The following NTM variants were observed in gnomAD, a reference collection of about 807,000 sequenced individuals.
NTM encodes the protein IgLON family member 2.
Under a neutral mutation model 42.1 loss-of-function variants are expected in NTM, and 13 were observed. That is an observed-to-expected ratio of 0.31 (90% CI 0.20 to 0.49). The LOEUF (loss-of-function observed/expected upper bound fraction) is 0.49, where lower values mean the gene tolerates loss of function less well. Ranked by LOEUF, NTM falls within the 20% of genes least tolerant of loss-of-function variation. NTM has a pLI of 0.99. For missense variants in NTM, 373 were observed against 452.8 expected (o/e 0.82, Z 1.60); for synonymous variants, 187 against 179.2 (o/e 1.04, Z -0.35).
chr11:131,926,117 A>T (rs2138353678), intron 2 of NTM, among the ~76,000 whole-genome samples: 2 of 152,158 alleles, frequency 1.3e-5, no homozygotes, highest in East Asian at 3.9e-4. Flanking sequence ...GATTAGAAAA[A>T]AAAGGCATCT....
chr11:132,000,281 T>A (rs2068937887), intron 2 of NTM, among the ~76,000 whole-genome samples: 1 of 152,210 alleles, frequency 6.6e-6, no homozygotes, highest in African/African-American at 2.4e-5. Context: ...TATCTGACAC[T>A]CCTTTGTCAA....
In NTM at chr11:131,415,345, C is replaced by T. The variant is rs192007461; in HGVS notation, c.82+44457C>T. Reference sequence around the variant, plus strand: ...AGCTCTTCCCAGAAGCTTTTGGAACCCCCTCTGAGCCCTGGCTGTGGTGAG... The same window carrying T: ...AGCTCTTCCCAGAAGCTTTTGGAACTCCCTCTGAGCCCTGGCTGTGGTGAG... On this transcript the variant is annotated intron_variant, in intron 1 of 8. Coordinates refer to ENST00000683400, the MANE Select transcript of NTM (RefSeq NM_001352005.2). Among the ~76,000 whole-genome samples, 10 of 152,278 alleles carry T rather than the reference C, an allele frequency of 6.6e-5. No homozygotes were observed. In the East Asian group the frequency reaches 1.9e-3, roughly 29 times the overall value.
chr11:131,510,337 C>T (rs2048068318), intron 1 of NTM, among the ~76,000 whole-genome samples: 1 of 152,228 alleles, frequency 6.6e-6, no homozygotes, highest in Non-Finnish European at 1.5e-5. Flanking sequence ...AGCAGGGAAT[C>T]TGCCAGGTGA....
At chr11:131,695,162 C>T (rs1429118281) in intron 1 of NTM, among the ~76,000 whole-genome samples, 1 of 140,780 alleles carries the variant, frequency 7.1e-6, no homozygotes, top group Non-Finnish European at 1.5e-5. Flanking sequence ...GTACCCACCC[C>T]CCCGCCCTGA....
chr11:131,953,193 A>C (rs1431842924), intron 2 of NTM, among the ~76,000 whole-genome samples: 1 of 151,128 alleles, frequency 6.6e-6, no homozygotes, highest in Non-Finnish European at 1.5e-5. Flanking sequence ...TGCCATGGCA[A>C]CATTCATTGG....
intron 4 of NTM, among the ~76,000 whole-genome samples, chr11:132,260,292 A>G (rs2092769196): frequency 6.6e-6 from 1 of 152,068 alleles, no homozygotes; most frequent in Non-Finnish European, 1.5e-5. Context: ...ATAAGTTCAG[A>G]GAAATTAAGT....
intron 3 of NTM, among the ~76,000 whole-genome samples, chr11:132,182,696 A>G (rs2077754521): frequency 6.6e-6 from 1 of 152,172 alleles, no homozygotes; most frequent in African/African-American, 2.4e-5. Context: ...TGCTGCCAGC[A>G]TTATCTTTCC....
intron 4 of NTM, among the ~76,000 whole-genome samples, chr11:132,274,105 T>G (rs1050558710): frequency 2.6e-5 from 4 of 152,158 alleles, no homozygotes; most frequent in Non-Finnish European, 5.9e-5. Context: ...ATTTTAGTAA[T>G]TTTACTTCTA....
intron 1 of NTM, among the ~76,000 whole-genome samples, chr11:131,874,041 A>AATAT (rs796296940): frequency 1.9e-4 from 5 of 26,226 alleles, no homozygotes; most frequent in Admixed American, 4.7e-4. Flanking sequence ...ATATATATAT[A>AATAT]TATATATATA....
At chr11:132,098,404 A>G (rs1465685255) in intron 2 of NTM, among the ~76,000 whole-genome samples, 1 of 152,218 alleles carries the variant, frequency 6.6e-6, no homozygotes, top group Non-Finnish European at 1.5e-5. Flanking sequence ...GGCCATCTCC[A>G]TTAATTCATC....
intron 2 of NTM, among the ~76,000 whole-genome samples, chr11:132,069,798 C>T (rs1431592619): frequency 6.0e-5 from 9 of 150,132 alleles, no homozygotes; most frequent in Non-Finnish European, 1.0e-4. Flanking sequence ...TTAGTTAACA[C>T]GTCACACAGC....
chr11:131,388,848 C>A (rs1057470493), intron 1 of NTM, among the ~76,000 whole-genome samples: 2 of 151,086 alleles, frequency 1.3e-5, no homozygotes, highest in Non-Finnish European at 2.9e-5. Context: ...CTCATCTCTA[C>A]TAAAAATATA....
chr11:131,827,458 C>G (rs992034261), intron 1 of NTM, among the ~76,000 whole-genome samples: 2 of 152,126 alleles, frequency 1.3e-5, no homozygotes, highest in Non-Finnish European at 2.9e-5. Context: ...TAGAAGGGGA[C>G]AAAGGGATGT....
chr11:132,046,719 G>T (rs1210927112), intron 2 of NTM, among the ~76,000 whole-genome samples: 1 of 152,140 alleles, frequency 6.6e-6, no homozygotes, highest in Non-Finnish European at 1.5e-5. Context: ...CATGTAGGAT[G>T]GATACAAGGC....
intron 2 of NTM, among the ~76,000 whole-genome samples, chr11:132,023,376 G>A (rs1278166171): frequency 6.6e-6 from 1 of 152,166 alleles, no homozygotes; most frequent in South Asian, 2.1e-4. Context: ...CACTACAGCT[G>A]GGAAGCACAA....
intron 4 of NTM, among the ~76,000 whole-genome samples, chr11:132,216,909 G>A (rs554454575): frequency 2.2e-4 from 33 of 152,220 alleles, no homozygotes; most frequent in Non-Finnish European, 2.9e-4. Context: ...AGATCTCCAA[G>A]CCTTTCCTGA....
At chr11:132,300,478 C>T (rs1002731056) in intron 4 of NTM, among the ~76,000 whole-genome samples, 1 of 152,166 alleles carries the variant, frequency 6.6e-6, no homozygotes, top group Non-Finnish European at 1.5e-5. Context: ...TCATCACTGC[C>T]CCCACAGTGC....
rs1555209837 is a variant in NTM at position 131,994,017 on chromosome 11, A to AAG, written c.167+82370_167+82371insGA. Among the ~76,000 whole-genome samples the AAG allele has an allele frequency of 2.7e-3, 373 of 137,964 alleles. 1 individual carries two copies. The highest frequency in any genetic ancestry group is 7.2e-3 in the African/African-American group (253 of 35,222). 90.5% of individuals were successfully genotyped at this position (137,964 alleles called of 152,430 possible). A position where few individuals can be genotyped will look rare whatever the true frequency, so the allele number is the denominator to read the frequency against. On this transcript the variant is annotated intron_variant, in intron 2 of 8. Transcript: ENST00000683400. ...AAACTCCATCTCCAAAAAAAAAAAA[A>AAG]AAGAAGAAGAAGAAGAAGAACAAAG...
intron 1 of NTM, among the ~76,000 whole-genome samples, chr11:131,578,971 T>C (rs2058164124): frequency 1.3e-5 from 2 of 152,166 alleles, no homozygotes; most frequent in South Asian, 4.1e-4. Flanking sequence ...GAATCAGAAC[T>C]GCATAACATG....
Sources: gnomAD v4.1 joint callset for allele counts (sites outside exome capture counted in the v4.1 genomes callset) on GRCh38, gnomAD v4.1.1 for gene constraint, MANE v1.5 for transcripts, NCBI Gene and HGNC (gene_info 2026-07-23, HGNC 2026-07-21) for gene names.